NRG1: variants seen among roughly 807,000 people sequenced by gnomAD.
NRG1 encodes the protein neuregulin 1.
A neutral mutation model predicts 63.8 loss-of-function variants in NRG1; 18 were observed. The ratio of observed to expected loss-of-function variants is 0.28; its 90% confidence interval spans 0.19 to 0.42. NRG1 has a LOEUF of 0.42. Ranked by LOEUF, NRG1 falls within the 10% of genes least tolerant of loss-of-function variation. The probability of loss-of-function intolerance (pLI) is 1.00; values close to 1 mark genes in which losing one functional copy is unlikely to be tolerated. For synonymous variants in NRG1, 302 were observed against 301.3 expected (o/e 1.00, Z -0.02); for missense variants, 762 against 814.7 (o/e 0.94, Z 0.79).
At chr8:32,576,400 A>G (rs1052402549) in intron 1 of NRG1, among the ~76,000 whole-genome samples, 1 of 152,188 alleles carries the variant, frequency 6.6e-6, no homozygotes, top group Non-Finnish European at 1.5e-5. Flanking sequence ...TATGAGTGCT[A>G]ACAATTTGAG....
intron 1 of NRG1, among the ~76,000 whole-genome samples, chr8:31,711,885 C>T (rs529221171): frequency 8.5e-5 from 13 of 152,176 alleles, no homozygotes; most frequent in South Asian, 4.2e-4. Context: ...TTTATGAGGG[C>T]GGTAGTCCCA....
At chr8:31,687,017 C>T (rs1025396100) in intron 1 of NRG1, among the ~76,000 whole-genome samples, 15 of 152,106 alleles carry the variant, frequency 9.9e-5, no homozygotes, top group Admixed American at 2.6e-4. Context: ...GATCTGCCAG[C>T]CTCGGCCTCC....
chr8:32,217,373 C>G (rs1845356350), intron 1 of NRG1, among the ~76,000 whole-genome samples: 1 of 151,964 alleles, frequency 6.6e-6, no homozygotes, highest in South Asian at 2.1e-4. Flanking sequence ...GATGAGTGAC[C>G]CTGCCCACAC....
chr8:32,019,236 C>G (rs1297222784), intron 1 of NRG1, among the ~76,000 whole-genome samples: 1 of 152,126 alleles, frequency 6.6e-6, no homozygotes, highest in African/African-American at 2.4e-5. Flanking sequence ...GTAGCTGGGA[C>G]TACAGGTGCC....
chr8:32,646,978 G>A (rs1588952398), intron 5 of NRG1: 1 of 984,794 alleles, frequency 1.0e-6, no homozygotes, highest in Non-Finnish European at 1.2e-6. Context: ...CTGAAGCAGA[G>A]AAGAGCCGCA....
intron 1 of NRG1, among the ~76,000 whole-genome samples, chr8:31,790,449 A>C (rs1433395990): frequency 6.6e-6 from 1 of 152,230 alleles, no homozygotes; most frequent in Non-Finnish European, 1.5e-5. Flanking sequence ...GGTGCTGATC[A>C]TCATAATCTG....
chr8:32,605,604 T>C, exon 3 of NRG1: 4 of 1,613,526 alleles, frequency 2.5e-6, no homozygotes, highest in Non-Finnish European at 3.4e-6. Flanking sequence ...TGGCTGATTC[T>C]GGAGAGTATA....
In NRG1 at chr8:31,796,826, T is replaced by C. The variant is rs77738241; in HGVS notation, c.37+157395T>C. 3.8e-3 allele frequency among the ~76,000 whole-genome samples: 571 copies of C among 152,248 alleles called. 5 individuals are homozygous for C. The highest frequency in any genetic ancestry group is 0.013 in the African/African-American group (554 of 41,552). Reference sequence around the variant, plus strand: ...AAGTTAGTCCTGACTTCCATGGAAATGTTTTTTTTCCAACCAACATGGGTG... The same window carrying C: ...AAGTTAGTCCTGACTTCCATGGAAACGTTTTTTTTCCAACCAACATGGGTG... On this transcript the variant is annotated intron_variant, in intron 1 of 10. Coordinates refer to the NRG1 transcript ENST00000519301.
intron 1 of NRG1, among the ~76,000 whole-genome samples, chr8:32,298,724 AAAAAAAG>A (rs1171976369): frequency 7.2e-6 from 1 of 139,408 alleles, no homozygotes; most frequent in African/African-American, 2.8e-5. Flanking sequence ...CAAAAAAAAA[AAAAAAAG>A]AAAAGAAAAG....
intron 1 of NRG1, among the ~76,000 whole-genome samples, chr8:32,488,841 G>T (rs1387074018): frequency 1.3e-5 from 2 of 152,160 alleles, no homozygotes; most frequent in Non-Finnish European, 2.9e-5. Flanking sequence ...AGTAACGACA[G>T]GCACCTGGCC....
intron 5 of NRG1, among the ~76,000 whole-genome samples, chr8:32,666,568 T>G (rs2919393): frequency 0.053 from 8,013 of 152,284 alleles, 658 homozygotes; most frequent in East Asian, 0.38. Flanking sequence ...ATGCAGGAGA[T>G]GCACTGGAAT....
chr8:32,685,088 C>T (rs890534809), intron 5 of NRG1, among the ~76,000 whole-genome samples: 2 of 151,918 alleles, frequency 1.3e-5, no homozygotes, highest in African/African-American at 2.4e-5. Context: ...AGTCAACATA[C>T]GGAATATTTT....
chr8:32,716,551 T>C (rs999727657), intron 5 of NRG1, among the ~76,000 whole-genome samples: 1 of 152,152 alleles, frequency 6.6e-6, no homozygotes, highest in Non-Finnish European at 1.5e-5. Flanking sequence ...CCCATATATA[T>C]ATAGATAGAT....
Position 32,303,183 on chromosome 8 carries a change from C to CAAAAAAAAAAAAAAAAAAAAA in NRG1, c.38-292645_38-292644insAAAAAAAAAAAAAAAAAAAAA, listed in dbSNP as rs1563291349. On this transcript the variant is annotated intron_variant, in intron 1 of 10. Transcript: ENST00000519301. Reference sequence around the variant, plus strand: ...GGCAGAAAGAAGAGAAACTCAGTCTCCAAAAAAAAAAAAAAAAAAAAAAAG... The same window carrying CAAAAAAAAAAAAAAAAAAAAA: ...GGCAGAAAGAAGAGAAACTCAGTCTCAAAAAAAAAAAAAAAAAAAAACAAAAAAAAAAAAAAAAAAAAAAAG... 8.4e-5 allele frequency among the ~76,000 whole-genome samples: 5 copies of CAAAAAAAAAAAAAAAAAAAAA among 59,708 alleles called. 1 individual carries two copies. The highest frequency in any genetic ancestry group is 1.5e-4 in the African/African-American group (2 of 13,454). The allele number at this position is 59,708 out of a possible 152,430, so 39.2% of individuals were successfully genotyped here.
intron 5 of NRG1, among the ~76,000 whole-genome samples, chr8:32,639,866 G>A (rs184338688): frequency 6.6e-5 from 10 of 152,254 alleles, no homozygotes; most frequent in African/African-American, 1.4e-4. Flanking sequence ...ATATTAAACC[G>A]ACATTGGTTA....
At chr8:32,158,450 T>TAG (rs1216654859) in intron 1 of NRG1, among the ~76,000 whole-genome samples, 8 of 93,944 alleles carry the variant, frequency 8.5e-5, no homozygotes, top group South Asian at 3.1e-4. Flanking sequence ...GTTTACATGA[T>TAG]ATATATATAT....
At chr8:31,671,196 T>C (rs1299417258) in intron 1 of NRG1, among the ~76,000 whole-genome samples, 1 of 152,154 alleles carries the variant, frequency 6.6e-6, no homozygotes, top group Admixed American at 6.5e-5. Context: ...ACTTGAGTTT[T>C]GAGAGGTGTT....
chr8:32,450,410 AT>A (rs1554545453), intron 1 of NRG1, among the ~76,000 whole-genome samples: 3 of 151,858 alleles, frequency 2.0e-5, no homozygotes, highest in Non-Finnish European at 4.4e-5. Flanking sequence ...GTGAGACCTC[AT>A]TTCTAAAAAA....
At chr8:32,772,456 A>G (rs1208966698), downstream of NRG1, among the ~76,000 whole-genome samples, 1 of 152,200 alleles carries the variant, frequency 6.6e-6, no homozygotes, top group Non-Finnish European at 1.5e-5. Context: ...TTTATTGAAA[A>G]CAATCATAAC....
Sources: gnomAD v4.1 joint callset for allele counts (sites outside exome capture counted in the v4.1 genomes callset) on GRCh38, gnomAD v4.1.1 for gene constraint, MANE v1.5 for transcripts, NCBI Gene and HGNC (gene_info 2026-07-23, HGNC 2026-07-21) for gene names.